Variants in DNAI4 observed in about 807,000 individuals in gnomAD.
DNAI4 encodes dynein axonemal intermediate chain 4, also known as WD repeat domain 78.
Under a neutral mutation model 105.8 loss-of-function variants are expected in DNAI4, and 85 were observed. The ratio of observed to expected loss-of-function variants is 0.80; its 90% CI spans 0.67 to 0.96. The LOEUF is 0.96. Ranked by LOEUF, DNAI4 falls within the 40% of genes least tolerant of loss-of-function variation. The pLI, the probability that DNAI4 is intolerant of heterozygous loss-of-function variation, is 0.00. For missense variants in DNAI4, 1,014 were observed against 1,005.6 expected (o/e 1.01, Z -0.11); for synonymous variants, 352 against 331.5 (o/e 1.06, Z -0.67).
intron 15 of DNAI4, among the ~76,000 whole-genome samples, chr1:66,823,774 A>C (rs1406901093): frequency 6.7e-6 from 1 of 148,612 alleles, no homozygotes; most frequent in Non-Finnish European, 1.5e-5. Context: ...TTTTCTTGTA[A>C]ATTTGTTTGA....
chr1:66,827,847 T>G lies in DNAI4; in HGVS notation c.2077A>C (p.Asn693His). ...GHIHKCSCSY[N>H]EQYLDTYRGH... ...CTGTAGGTATCTAAGTATTGTTCAT[T>G]ATATGAACAAGAACATTTGTGAATA... is the stretch of plus-strand genomic sequence containing the variant. Residue 693 changes from asparagine (N) to histidine (H), a missense_variant, in exon 14 of 17, where the codon AAT becomes CAT. Transcript: ENST00000371026. The G allele has an allele frequency of 1.2e-6, 2 of 1,604,534 alleles. No individual in the cohort carries two copies.
intron 1 of DNAI4, among the ~76,000 whole-genome samples, chr1:66,908,690 T>G (rs1351031772): frequency 6.6e-6 from 1 of 152,198 alleles, no homozygotes; most frequent in Non-Finnish European, 1.5e-5. Context: ...TAAATGAAAC[T>G]GGAAGAAAAA....
At chr1:66,893,098 AAAG>A (rs1647967531) in intron 3 of DNAI4, 128 bp downstream of exon 3, 2 of 445,440 alleles carry the variant, frequency 4.5e-6, no homozygotes, top group African/African-American at 2.1e-5. Flanking sequence ...AGAAAGAAAG[AAAG>A]AAAGAAAGAA....
chr1:66,822,454 G>A lies in DNAI4; in HGVS notation c.2403C>T (p.Ala801=). The A allele has an allele frequency of 6.2e-7, 1 of 1,613,298 alleles. No individual in the cohort carries two copies. The highest frequency in any genetic ancestry group is 8.5e-7 in the Non-Finnish European group (1 of 1,179,670). ...PGIKFTTILF[A]KQTDCLLVGD... The stretch of plus-strand genomic sequence containing the variant: ...CTACCAGAAGGCAATCTGTTTGTTT[G>A]GCAAAGAGAATGGTTGTGAACTTGA... Residue 801 remains alanine (A), a synonymous_variant, in exon 16 of 17, where the codon GCC becomes GCT. Transcript: ENST00000371026.
Position 66,821,389 on chromosome 1 carries a change from G to A in DNAI4, c.2496+972C>T, listed in dbSNP as rs138784706. Among the ~76,000 whole-genome samples, 354 of 152,118 alleles carry A rather than the reference G, an allele frequency of 2.3e-3. 3 individuals carry two copies. The highest frequency in any genetic ancestry group is 7.4e-3 in the African/African-American group (307 of 41,488). ...GCTGGGATTACAGGTATAAGCCACC[G>A]TGCCCAGCCTTCTCTAAACATTTCT... is the stretch of plus-strand genomic sequence containing the variant. On this transcript the variant is annotated intron_variant, in intron 16 of 16. Coordinates refer to ENST00000371026, the MANE Select transcript of DNAI4 (RefSeq NM_024763.5).
At chr1:66,894,106 G>T (rs1272307751) in intron 2 of DNAI4, among the ~76,000 whole-genome samples, 2 of 151,978 alleles carry the variant, frequency 1.3e-5, no homozygotes, top group African/African-American at 4.8e-5. Flanking sequence ...TAATATTTTA[G>T]AGTGTACTCC....
chr1:66,822,657 A>G (rs1446890895), intron 15 of DNAI4, 140 bp from the exon 16 acceptor site: 2 of 649,684 alleles, frequency 3.1e-6, no homozygotes, highest in African/African-American at 3.7e-5. Flanking sequence ...ACTCAAAATA[A>G]CTGCTCCTCA....
At chr1:66,820,787 G>A (rs1027903729) in intron 16 of DNAI4, among the ~76,000 whole-genome samples, 5 of 110,730 alleles carry the variant, frequency 4.5e-5, no homozygotes, top group African/African-American at 1.7e-4. Flanking sequence ...TTTAGGCTGG[G>A]GAAATGATAA....
intron 4 of DNAI4, among the ~76,000 whole-genome samples, chr1:66,881,782 T>A (rs182919599): frequency 1.3e-5 from 2 of 152,146 alleles, no homozygotes; most frequent in Non-Finnish European, 2.9e-5. Flanking sequence ...GGACATGAGA[T>A]TTAGAAGAGA....
At position 66,823,306 on chromosome 1, in the gene DNAI4, C is replaced by T. The variant is rs186174060; in HGVS notation, c.2340-789G>A. On this transcript the variant is annotated intron_variant, in intron 15 of 16. Coordinates refer to ENST00000371026, the MANE Select transcript of DNAI4 (RefSeq NM_024763.5). ...GCCACATTTTCTTAATCCAGTCTAT[C>T]GTCGTTGGACATTTGGGTTGGTTCC... 5.0e-4 allele frequency among the ~76,000 whole-genome samples: 75 copies of T among 151,392 alleles called. 1 individual carries two copies. The East Asian group carries it at 0.012, about 25-fold the overall frequency.
At chr1:66,850,455 A>G (rs1646373630) in intron 7 of DNAI4, among the ~76,000 whole-genome samples, 1 of 152,070 alleles carries the variant, frequency 6.6e-6, no homozygotes, top group African/African-American at 2.4e-5. Flanking sequence ...TCCCTAAAGA[A>G]TGGCTAAAGG....
intron 3 of DNAI4, among the ~76,000 whole-genome samples, chr1:66,892,868 A>G (rs1363388577): frequency 1.3e-5 from 2 of 151,478 alleles, no homozygotes; most frequent in African/African-American, 4.9e-5. Context: ...AGATGGCACC[A>G]CTGTACTCCA....
intron 16 of DNAI4, among the ~76,000 whole-genome samples, chr1:66,816,411 CATA>C (rs1557889557): frequency 6.6e-6 from 1 of 151,860 alleles, no homozygotes; most frequent in Non-Finnish European, 1.5e-5. Flanking sequence ...AATTATAGGT[CATA>C]ATGTTACTTG....
intron 5 of DNAI4, among the ~76,000 whole-genome samples, chr1:66,874,081 C>A (rs1646910738): frequency 6.6e-6 from 1 of 151,764 alleles, no homozygotes; most frequent in Non-Finnish European, 1.5e-5. Context: ...ATCAGAATAA[C>A]TATTAATAAT....
At chr1:66,871,581 C>A (rs1312732832) in intron 5 of DNAI4, 72 bp from the exon 6 acceptor site, 8 of 1,361,712 alleles carry the variant, frequency 5.9e-6, no homozygotes, top group Admixed American at 2.6e-5. Context: ...TTATATTATT[C>A]TTTTCCCTAA....
At chr1:66,921,048 T>C (rs1179882757) in intron 1 of DNAI4, among the ~76,000 whole-genome samples, 2 of 152,184 alleles carry the variant, frequency 1.3e-5, no homozygotes, top group East Asian at 3.8e-4. Context: ...AGAACCACAC[T>C]TGGATATGAC....
intron 7 of DNAI4, among the ~76,000 whole-genome samples, chr1:66,859,077 GTACA>G (rs1418906708): frequency 6.6e-6 from 1 of 152,046 alleles, no homozygotes; most frequent in African/African-American, 2.4e-5. Flanking sequence ...CTAGGAGAAA[GTACA>G]TACATATATC....
chr1:66,893,037 A>G (rs1238512238), intron 3 of DNAI4, among the ~76,000 whole-genome samples, 192 bp downstream of exon 3: 7 of 112,720 alleles, frequency 6.2e-5, no homozygotes, highest in African/African-American at 2.8e-4. Context: ...AAAGAGAGGA[A>G]AGAAAGAAAG....
At chr1:66,885,099 G>C (rs894605087) in intron 4 of DNAI4, among the ~76,000 whole-genome samples, 1 of 152,078 alleles carries the variant, frequency 6.6e-6, no homozygotes, top group Admixed American at 6.6e-5. Context: ...TTGGCCCATG[G>C]GTTATTTAGA....
Sources: gnomAD v4.1 joint callset for allele counts (sites outside exome capture counted in the v4.1 genomes callset) on GRCh38, gnomAD v4.1.1 for gene constraint, MANE v1.5 for transcripts, NCBI Gene and HGNC (gene_info 2026-07-23, HGNC 2026-07-21) for gene names.